Variants in CFDP1 observed in about 807,000 individuals in gnomAD.
CFDP1 encodes the protein chromatin remodeling protein CFDP1.
Under a neutral mutation model 40.1 loss-of-function variants are expected in CFDP1, and 31 were observed. The ratio of observed to expected loss-of-function variants is 0.77; its 90% CI spans 0.58 to 1.04. The LOEUF (loss-of-function observed/expected upper bound fraction) is 1.04, where lower values mean the gene tolerates loss of function less well. Ranked by LOEUF, CFDP1 falls within the 50% of genes least tolerant of loss-of-function variation. CFDP1 has a pLI of 0.00. For missense variants in CFDP1, 423 were observed against 343.4 expected, an observed-to-expected ratio of 1.23 and a Z score of -1.83; for synonymous variants, 167 against 120.0, an observed-to-expected ratio of 1.39 and a Z score of -2.56.
rs74811170 is a variant in CFDP1, at chr16:75,304,833, G to A, written c.809+191C>T. Among the ~76,000 whole-genome samples, 3,356 of 152,188 alleles carry A rather than the reference G, an allele frequency of 0.022. 71 individuals are homozygous for A. Among genetic ancestry groups the A allele is most frequent in the African/African-American group, 0.054 (2,229 of 41,532 alleles). On this transcript the variant is annotated intron_variant, in intron 6 of 6. Coordinates refer to ENST00000283882, the MANE Select transcript of CFDP1 (RefSeq NM_006324.3). ...CACATGCCCCGCCTTCCCTCCACCC[G>A]CAGTGGCCTTCCCAGTGACAGGCCC...
intron 5 of CFDP1, among the ~76,000 whole-genome samples, chr16:75,339,369 T>C: frequency 6.6e-6 from 1 of 152,178 alleles, no homozygotes; most frequent in Middle Eastern, 3.2e-3. Context: ...ATTTCATGAG[T>C]GCAGCATTCT....
At chr16:75,418,732 TAA>T (rs35716697) in intron 1 of CFDP1, among the ~76,000 whole-genome samples, 353 of 130,470 alleles carry the variant, frequency 2.7e-3, no homozygotes, top group South Asian at 7.6e-3. Flanking sequence ...AAAGGCTCCC[TAA>T]AAAAAAAAAA....
intron 4 of CFDP1, among the ~76,000 whole-genome samples, chr16:75,406,180 G>C (rs1166622914): frequency 2.0e-5 from 3 of 151,760 alleles, no homozygotes; most frequent in Admixed American, 2.0e-4. Context: ...TTCAAGACCA[G>C]CCTAAGCAAC....
intron 5 of CFDP1, among the ~76,000 whole-genome samples, chr16:75,387,672 A>G (rs906893850): frequency 1.3e-5 from 2 of 152,236 alleles, no homozygotes; most frequent in Admixed American, 6.5e-5. Flanking sequence ...CCATCAACAT[A>G]TAAGTTGTCC....
rs56373574 is a variant in CFDP1, at chr16:75,349,686, A to ATATATATATATATATAT, written c.651-44505_651-44504insATATATATATATATATA. On this transcript the variant is annotated intron_variant, in intron 5 of 6. Transcript: ENST00000283882. ...AAAAAAAAAAAAAAAAAAAAAAAAAAAAAAATATATATACATACATATATA... is the reference window on the plus strand; with the variant it reads ...AAAAAAAAAAAAAAAAAAAAAAAAAATATATATATATATATATAAAAATATATATACATACATATATA... 6.0e-3 allele frequency among the ~76,000 whole-genome samples: 53 copies of ATATATATATATATATAT among 8,890 alleles called. 5 individuals are homozygous for ATATATATATATATATAT. Among genetic ancestry groups the ATATATATATATATATAT allele is most frequent in the East Asian group, 0.018 (2 of 112 alleles). The allele number at this position is 8,890 out of a possible 152,430, so 5.8% of individuals were successfully genotyped here. A position where few individuals can be genotyped will look rare whatever the true frequency, so the allele number is the denominator to read the frequency against.
chr16:75,296,507 T>G (rs963287124), intron 6 of CFDP1, among the ~76,000 whole-genome samples: 1 of 152,194 alleles, frequency 6.6e-6, no homozygotes, highest in African/African-American at 2.4e-5. Context: ...GTGCTAGGAT[T>G]ACAGGTGAGA....
intron 5 of CFDP1, among the ~76,000 whole-genome samples, chr16:75,376,270 G>A (rs546815487): frequency 6.6e-6 from 1 of 152,106 alleles, no homozygotes; most frequent in South Asian, 2.1e-4. Context: ...CCATGACCTA[G>A]CAATTCCATT....
chr16:75,428,333 T>C (rs960243390), intron 1 of CFDP1, among the ~76,000 whole-genome samples: 3 of 152,110 alleles, frequency 2.0e-5, no homozygotes, highest in Admixed American at 6.6e-5. Flanking sequence ...TATTCAAAGT[T>C]GGCTGGGCTC....
intron 5 of CFDP1, among the ~76,000 whole-genome samples, chr16:75,360,558 A>G (rs867661802): frequency 4.2e-4 from 64 of 152,352 alleles, no homozygotes; most frequent in African/African-American, 1.5e-3. Context: ...TTAACCCCCA[A>G]TGGGAGCATA....
At chr16:75,426,349 T>G (rs2079342602) in intron 1 of CFDP1, among the ~76,000 whole-genome samples, 1 of 150,246 alleles carries the variant, frequency 6.7e-6, no homozygotes, top group Admixed American at 6.6e-5. Flanking sequence ...AAACTCTATC[T>G]CAAAAAAACA....
At chr16:75,423,404 G>A (rs1304676826) in intron 1 of CFDP1, among the ~76,000 whole-genome samples, 2 of 152,164 alleles carry the variant, frequency 1.3e-5, no homozygotes, top group Admixed American at 6.5e-5. Flanking sequence ...AGCTGATTGC[G>A]CCACTGCACT....
intron 5 of CFDP1, among the ~76,000 whole-genome samples, chr16:75,313,876 C>CA (rs950376171): frequency 1.3e-5 from 2 of 150,102 alleles, no homozygotes; most frequent in Non-Finnish European, 3.0e-5. Context: ...AGTGAGTGTT[C>CA]AGTGTTCACT....
At chr16:75,318,525 C>T (rs140010954) in intron 5 of CFDP1, among the ~76,000 whole-genome samples, 2,079 of 151,856 alleles carry the variant, frequency 0.014, 45 homozygotes, top group African/African-American at 0.045. Flanking sequence ...CCTGCCTCAG[C>T]CTCCCCAGCA....
intron 5 of CFDP1, among the ~76,000 whole-genome samples, chr16:75,346,429 A>G (rs2078564735): frequency 2.6e-5 from 4 of 151,652 alleles, no homozygotes; most frequent in Non-Finnish European, 5.9e-5. Context: ...TAAAAATACA[A>G]AAAATTAGCC....
At chr16:75,306,575 T>C (rs373730956) in intron 5 of CFDP1, 11 of 152,208 alleles carry the variant, frequency 7.2e-5, no homozygotes, top group African/African-American at 2.7e-4. Context: ...GCAAGCTTCA[T>C]CATCCTTGTA....
chr16:75,371,772 A>T (rs1216138360), intron 5 of CFDP1, among the ~76,000 whole-genome samples: 1 of 152,224 alleles, frequency 6.6e-6, no homozygotes, highest in Non-Finnish European at 1.5e-5. Flanking sequence ...TTCATTTAGT[A>T]GGAAGAGGAT....
At chr16:75,332,614 C>T (rs2078454162) in intron 5 of CFDP1, among the ~76,000 whole-genome samples, 1 of 151,738 alleles carries the variant, frequency 6.6e-6, no homozygotes, top group African/African-American at 2.4e-5. Flanking sequence ...CTGCAGTGAA[C>T]CATGATTGCA....
At chr16:75,412,020 A>ATT in intron 3 of CFDP1, 68 bp from the exon 4 acceptor site, 2 of 1,393,720 alleles carry the variant, frequency 1.4e-6, no homozygotes, top group East Asian at 2.5e-5. Flanking sequence ...GATACTTTTT[A>ATT]TTTTTTTTTC....
intron 5 of CFDP1, among the ~76,000 whole-genome samples, chr16:75,346,720 C>CAA (rs10538921): frequency 7.7e-6 from 1 of 130,004 alleles, no homozygotes; most frequent in African/African-American, 2.9e-5. Context: ...ATCTTCCACT[C>CAA]AAAAAAAAAA....
Sources: allele counts gnomAD v4.1 joint callset (sites outside exome capture counted in the v4.1 genomes callset), GRCh38; gene constraint gnomAD v4.1.1; transcripts MANE v1.5; gene names NCBI Gene and HGNC (gene_info 2026-07-23, HGNC 2026-07-21).